Variants in XIRP2 observed in about 807,000 individuals in gnomAD.
The protein encoded by XIRP2 is xin actin binding repeat containing 2.
Under a neutral mutation model 277.0 loss-of-function variants are expected in XIRP2, and 236 were observed. The observed-to-expected ratio is 0.85, with a 90% CI of 0.77 to 0.95. The LOEUF is 0.95. XIRP2 is among the 40% of genes least tolerant of loss of function. The pLI, the probability that XIRP2 is intolerant of heterozygous loss-of-function variation, is 0.00. For synonymous variants in XIRP2, 1,490 were observed against 1,416.5 expected, an observed-to-expected ratio of 1.05 and a Z score of -1.17; for missense variants, 4,640 against 4,157.5, an observed-to-expected ratio of 1.12 and a Z score of -3.19.
chr2:166,917,212 G>T (rs1684907950), intron 2 of XIRP2, among the ~76,000 whole-genome samples: 1 of 152,158 alleles, frequency 6.6e-6, no homozygotes, highest in African/African-American at 2.4e-5. Flanking sequence ...CCACTGAGAA[G>T]AGCCCTCACT....
intron 2 of XIRP2, among the ~76,000 whole-genome samples, chr2:167,080,016 A>C (rs772936336): frequency 1.3e-5 from 2 of 151,836 alleles, no homozygotes; most frequent in African/African-American, 4.8e-5. Flanking sequence ...GTGGGCATTT[A>C]TCCAAACATA....
intron 2 of XIRP2, among the ~76,000 whole-genome samples, chr2:167,130,843 ACTTTC>A (rs1691352700): frequency 1.3e-5 from 2 of 151,650 alleles, no homozygotes; most frequent in Admixed American, 1.3e-4. Flanking sequence ...TCAGCTATAT[ACTTTC>A]TCATTGCCCA....
chr2:166,927,411 A>C (rs1481471394), intron 2 of XIRP2, among the ~76,000 whole-genome samples: 1 of 152,150 alleles, frequency 6.6e-6, no homozygotes, highest in East Asian at 1.9e-4. Context: ...AGTGTTGGCA[A>C]GTCTGCATTT....
At chr2:167,136,772 G>T (rs1461045819) in intron 3 of XIRP2, among the ~76,000 whole-genome samples, 2 of 152,112 alleles carry the variant, frequency 1.3e-5, no homozygotes, top group Non-Finnish European at 2.9e-5. Context: ...AGTATTTGTG[G>T]TGTTTGTTAA....
At chr2:167,145,337 T>C (rs11886197) in intron 3 of XIRP2, among the ~76,000 whole-genome samples, 3,638 of 152,164 alleles carry the variant, frequency 0.024, 57 homozygotes, top group East Asian at 0.049. Context: ...GGGGAAATAA[T>C]TGTTGATTTC....
chr2:166,988,217 T>C (rs1687065370), intron 2 of XIRP2, among the ~76,000 whole-genome samples: 1 of 152,194 alleles, frequency 6.6e-6, no homozygotes, highest in South Asian at 2.1e-4. Flanking sequence ...TGTTGTATTA[T>C]TGCCAAATAC....
chr2:167,208,633 A>C (rs1461622576), intron 3 of XIRP2, among the ~76,000 whole-genome samples: 3 of 152,054 alleles, frequency 2.0e-5, no homozygotes, highest in African/African-American at 7.2e-5. Flanking sequence ...GATGGCCATG[A>C]GCAATGGAAT....
intron 2 of XIRP2, among the ~76,000 whole-genome samples, chr2:167,120,479 C>T (rs1312827559): frequency 6.6e-6 from 1 of 152,048 alleles, no homozygotes; most frequent in Non-Finnish European, 1.5e-5. Flanking sequence ...TTTAAGACAT[C>T]GTAAGGGTAT....
At chr2:167,160,829 T>A (rs1354512161) in intron 3 of XIRP2, among the ~76,000 whole-genome samples, 1 of 152,182 alleles carries the variant, frequency 6.6e-6, no homozygotes, top group Non-Finnish European at 1.5e-5. Flanking sequence ...TATTTCAGCA[T>A]TAACTCGAAA....
At chr2:167,125,846 C>T (rs543325755) in intron 2 of XIRP2, among the ~76,000 whole-genome samples, 1 of 152,108 alleles carries the variant, frequency 6.6e-6, no homozygotes. Flanking sequence ...AGCTGGAGAG[C>T]CTTACTTGGA....
chr2:167,139,111 C>CAT (rs376402915), intron 3 of XIRP2, among the ~76,000 whole-genome samples: 139 of 145,924 alleles, frequency 9.5e-4, no homozygotes, highest in African/African-American at 2.1e-3. Flanking sequence ...TATATATATG[C>CAT]ATATATATAT....
chr2:166,908,544 A>T (rs1574068609), intron 2 of XIRP2, among the ~76,000 whole-genome samples: 1 of 151,832 alleles, frequency 6.6e-6, no homozygotes, highest in African/African-American at 2.4e-5. Context: ...GATTGCAAAA[A>T]TTTTCTCCCA....
chr2:167,012,839 C>T (rs1470345414), intron 2 of XIRP2, among the ~76,000 whole-genome samples: 1 of 151,486 alleles, frequency 6.6e-6, no homozygotes, highest in Non-Finnish European at 1.5e-5. Flanking sequence ...TCTGGCTATG[C>T]CTTAATTTCC....
At chr2:166,940,845 A>AAG (rs1685689003) in intron 2 of XIRP2, among the ~76,000 whole-genome samples, 1 of 152,182 alleles carries the variant, frequency 6.6e-6, no homozygotes, top group Non-Finnish European at 1.5e-5. Flanking sequence ...GTGGGGTGTC[A>AAG]GTCTGCCCCT....
rs533278045 is a variant in XIRP2 at position 166,912,657 on chromosome 2, G to T, written c.408+8767G>T. On this transcript the variant is annotated intron_variant, in intron 2 of 10. Coordinates refer to ENST00000409195, the MANE Select transcript of XIRP2 (RefSeq NM_152381.6). ...TTTGTTCTGTTGCTGGCGAGGAGCTGCATTCCTTTGGAGGGGGAGAGGTGC... is the reference window on the plus strand; with the variant it reads ...TTTGTTCTGTTGCTGGCGAGGAGCTTCATTCCTTTGGAGGGGGAGAGGTGC... Among the ~76,000 whole-genome samples the T allele has an allele frequency of 6.6e-5, 10 of 152,314 alleles. No homozygotes were observed. The South Asian group carries it at 2.1e-3, about 32-fold the overall frequency.
chr2:167,120,235 G>C (rs561424445), intron 2 of XIRP2, among the ~76,000 whole-genome samples: 1 of 152,122 alleles, frequency 6.6e-6, no homozygotes, highest in Admixed American at 6.6e-5. Context: ...TCTCTTGGGG[G>C]CTGTATCTGG....
At chr2:166,901,204 C>T (rs900609503) in intron 1 of XIRP2, among the ~76,000 whole-genome samples, 1 of 152,062 alleles carries the variant, frequency 6.6e-6, no homozygotes, top group Non-Finnish European at 1.5e-5. Context: ...TTCTTCCCCT[C>T]TAGGACTTTC....
intron 2 of XIRP2, among the ~76,000 whole-genome samples, chr2:167,043,568 T>C (rs1349552872): frequency 6.6e-6 from 1 of 152,008 alleles, no homozygotes; most frequent in African/African-American, 2.4e-5. Flanking sequence ...TGAACACTTC[T>C]AGCACATAAA....
At chr2:167,201,460 C>T (rs2105378501) in intron 3 of XIRP2, among the ~76,000 whole-genome samples, 1 of 152,222 alleles carries the variant, frequency 6.6e-6, no homozygotes, top group East Asian at 1.9e-4. Context: ...GCGACACCAC[C>T]TCCCATCCCC....
Sources: allele counts gnomAD v4.1 joint callset (sites outside exome capture counted in the v4.1 genomes callset), GRCh38; gene constraint gnomAD v4.1.1; transcripts MANE v1.5; gene names NCBI Gene and HGNC (gene_info 2026-07-23, HGNC 2026-07-21).